CRX: variants seen among roughly 807,000 people sequenced by gnomAD.
The protein encoded by CRX is cone-rod homeobox, also known as cone-rod homeobox protein.
Under a neutral mutation model 13.1 loss-of-function variants are expected in CRX, and 5 were observed. That is an observed-to-expected ratio of 0.38 (90% CI 0.20 to 0.80). CRX has a LOEUF of 0.80. Among genes scored for constraint, CRX ranks in the 30% least tolerant of loss-of-function variants. CRX has a pLI of 0.43. For synonymous variants in CRX, 179 were observed against 171.1 expected, an observed-to-expected ratio of 1.05 and a Z score of -0.36; for missense variants, 351 against 391.8, an observed-to-expected ratio of 0.90 and a Z score of 0.88.
chr19:47,827,384 T>A (rs544972324), intron 1 of CRX, among the ~76,000 whole-genome samples: 6 of 151,516 alleles, frequency 4.0e-5, no homozygotes, highest in Admixed American at 1.3e-4. Context: ...CCTCCAAGCC[T>A]TTGCACCTGC....
chr19:47,839,877 G>T lies in CRX; in HGVS notation c.810G>T (p.Lys270Asn). The change falls in exon 4 of 4, where the codon AAG becomes AAT. Residue 270 changes from lysine to asparagine, a missense_variant. Coordinates refer to ENST00000221996, the MANE Select transcript of CRX (RefSeq NM_000554.6). This position sits in a 1 kb window ranked among gnomAD's most constrained non-coding sequence, Gnocchi z 4.6. ...GCCCCGTGGATAGCTTGGAATTCAAGGACCCCACGGGCACCTGGAAATTCA... is the reference window on the plus strand; with the variant it reads ...GCCCCGTGGATAGCTTGGAATTCAATGACCCCACGGGCACCTGGAAATTCA... ...AYSPVDSLEF[K>N]DPTGTWKFTY... is the part of the protein sequence containing the mutation. 6.2e-7 allele frequency: 1 copy of T among 1,614,100 alleles called. No individual in the cohort carries two copies. The highest frequency in any genetic ancestry group is 8.5e-7 in the Non-Finnish European group (1 of 1,180,024).
In CRX at chr19:47,836,518, A is replaced by G. The variant is rs971473592; in HGVS notation, c.252+124A>G. On this transcript the variant is annotated intron_variant, in intron 3 of 3. Coordinates refer to ENST00000221996, the MANE Select transcript of CRX (RefSeq NM_000554.6). ...TGACAGCCAAAGTTATAAAGGGGAC[A>G]ATAATCCCTCTCCCCACCATCCCAC... The G allele has an allele frequency of 2.3e-6, 3 of 1,282,768 alleles. No homozygotes were observed. The African/African-American group carries it at 4.4e-5, about 19-fold the overall frequency. The allele number at this position is 1,282,768 out of a possible 1,614,324, so 79.5% of individuals were successfully genotyped here. A position where few individuals can be genotyped will look rare whatever the true frequency, so the allele number is the denominator to read the frequency against.
rs1156465404 is a variant in CRX at position 47,827,836 on chromosome 19, TAAAAAAAAAAAAAA to T, written c.-36+5848_-36+5861del. Among the ~76,000 whole-genome samples the T allele has an allele frequency of 4.6e-4, 19 of 41,758 alleles. 1 individual carries two copies. In the East Asian group the frequency reaches 4.6e-3, roughly 10 times the overall value. 27.4% of individuals were successfully genotyped at this position (41,758 alleles called of 152,430 possible). On this transcript the variant is annotated intron_variant, in intron 1 of 3. Coordinates refer to ENST00000221996, the MANE Select transcript of CRX (RefSeq NM_000554.6). ...CTGCTCCTGGCCATGGCATCTTTAT[TAAAAAAAAAAAAAA>T]AAAAAAAAAAAAAAAAAAAAAGGCA...
chr19:47,826,119 CT>C (rs1967972648), intron 1 of CRX, among the ~76,000 whole-genome samples: 2 of 152,158 alleles, frequency 1.3e-5, no homozygotes, highest in South Asian at 4.1e-4. Context: ...CTTGTCTCCA[CT>C]CTCTGGAGGT....
rs370973957 is a variant in CRX, at chr19:47,836,320, A to G, written c.178A>G (p.Lys60Glu). The part of the protein sequence containing the change: ...QLEELEALFA[K>E]TQYPDVYARE... ...GGAGGAGCTGGAGGCACTGTTTGCCAAGACCCAGTACCCAGACGTCTATGC... is the reference window on the plus strand; with the variant it reads ...GGAGGAGCTGGAGGCACTGTTTGCCGAGACCCAGTACCCAGACGTCTATGC... Residue 60 changes from lysine to glutamate, a missense_variant, in exon 3 of 4, where the codon AAG becomes GAG. By Grantham distance (56) the Lys-to-Glu change is moderately conservative. This residue lies in a region of CRX where 95 missense variants were observed against 106.7 expected (regional missense o/e 0.89). Transcript: ENST00000221996. 1.2e-6 allele frequency: 2 copies of G among 1,614,058 alleles called. No homozygotes were observed. The highest frequency in any genetic ancestry group is 2.7e-5 in the African/African-American group (2 of 74,938).
intron 1 of CRX, among the ~76,000 whole-genome samples, chr19:47,822,679 C>T (rs560588715): frequency 3.3e-5 from 5 of 152,250 alleles, no homozygotes; most frequent in Admixed American, 3.3e-4. Context: ...GGCCTCAATG[C>T]ACCCAGAGGC....
chr19:47,832,501 C>CT (rs202141154), intron 1 of CRX, among the ~76,000 whole-genome samples: 4,765 of 151,120 alleles, frequency 0.032, 213 homozygotes, highest in African/African-American at 0.1. Flanking sequence ...CTTTTCTTTT[C>CT]TTTTTTTTGA....
intron 2 of CRX, among the ~76,000 whole-genome samples, chr19:47,834,974 T>G (rs1452970543): frequency 6.6e-6 from 1 of 150,880 alleles, no homozygotes; most frequent in Non-Finnish European, 1.5e-5. Flanking sequence ...CCATTGTGCC[T>G]AGGCCCGGGG....
intron 1 of CRX, among the ~76,000 whole-genome samples, chr19:47,830,228 G>A (rs1968026861): frequency 6.6e-6 from 1 of 151,938 alleles, no homozygotes; most frequent in Non-Finnish European, 1.5e-5. Context: ...AAGATCACTT[G>A]AGCCCAGGAG....
At chr19:47,838,210 C>T (rs1968142936) in intron 3 of CRX, among the ~76,000 whole-genome samples, 1 of 147,842 alleles carries the variant, frequency 6.8e-6, no homozygotes, top group Non-Finnish European at 1.5e-5. Context: ...TAAATGTATG[C>T]ATGATGCATG....
At position 47,834,614 on chromosome 19, in the gene CRX, C is replaced by T. The variant is rs76850528; in HGVS notation, c.100+71C>T. The T allele has an allele frequency of 3.8e-6, 5 of 1,299,702 alleles. No homozygotes were observed. In the Admixed American group the frequency reaches 5.6e-5, roughly 15 times the overall value. 80.5% of individuals were successfully genotyped at this position (1,299,702 alleles called of 1,614,324 possible). A position where few individuals can be genotyped will look rare whatever the true frequency, so the allele number is the denominator to read the frequency against. On this transcript the variant is annotated intron_variant, in intron 2 of 3. Transcript: ENST00000221996. ...TTGGAGGACCTCTGGGGTCCCTTTG[C>T]CCCCAGGAAGAAGGCAATCACAGGG...
chr19:47,822,317 C>A (rs1967922182), intron 1 of CRX, among the ~76,000 whole-genome samples: 1 of 152,126 alleles, frequency 6.6e-6, no homozygotes, highest in Non-Finnish European at 1.5e-5. Flanking sequence ...GGGTTGGGGG[C>A]TTCTCACCGT....
At chr19:47,834,976 G>A (rs1968098165) in intron 2 of CRX, among the ~76,000 whole-genome samples, 1 of 151,290 alleles carries the variant, frequency 6.6e-6, no homozygotes, top group Non-Finnish European at 1.5e-5. Context: ...ATTGTGCCTA[G>A]GCCCGGGGGG....
At chr19:47,838,936 T>C (rs1034051375) in intron 3 of CRX, among the ~76,000 whole-genome samples, 3 of 151,992 alleles carry the variant, frequency 2.0e-5, no homozygotes, top group African/African-American at 7.3e-5. Context: ...TGTATATATG[T>C]ATAACTGTAC....
At chr19:47,824,400 C>G (rs529705506) in intron 1 of CRX, among the ~76,000 whole-genome samples, 2 of 152,056 alleles carry the variant, frequency 1.3e-5, no homozygotes, top group East Asian at 3.9e-4. Context: ...CTGGCTCTGC[C>G]GCTGACGTGC....
intron 1 of CRX, among the ~76,000 whole-genome samples, chr19:47,823,351 C>T (rs960627761): frequency 6.6e-6 from 1 of 152,160 alleles, no homozygotes; most frequent in Non-Finnish European, 1.5e-5. Context: ...GCTGTGATTG[C>T]CACAGAGTGA....
At chr19:47,834,978 C>T (rs1968098227) in intron 2 of CRX, among the ~76,000 whole-genome samples, 2 of 150,428 alleles carry the variant, frequency 1.3e-5, no homozygotes, top group African/African-American at 4.9e-5. Context: ...TGTGCCTAGG[C>T]CCGGGGGGCA....
Position 47,839,451 on chromosome 19 carries a change from C to A in CRX, c.384C>A (p.Ser128=), listed in dbSNP as rs778579625. ...AGGCGGGCACGTCCCCAAGACCCTC[C>A]ACAGATGTGTGTCCAGACCCTCTGG... The part of the protein sequence containing the change: ...KRKAGTSPRP[S]TDVCPDPLGI... Residue 128 remains serine (S), a synonymous_variant, in exon 4 of 4, where the codon TCC becomes TCA. Coordinates refer to ENST00000221996, the MANE Select transcript of CRX (RefSeq NM_000554.6). This position sits in a 1 kb window ranked among gnomAD's most constrained non-coding sequence, Gnocchi z 4.6. 1 of 1,614,032 alleles carries A rather than the reference C, an allele frequency of 6.2e-7. No homozygotes were observed.
chr19:47,834,306 C>T (rs1484048899), intron 1 of CRX, 103 bp from the exon 2 acceptor site: 1 of 735,862 alleles, frequency 1.4e-6, no homozygotes, highest in African/African-American at 1.7e-5. Flanking sequence ...GCCAAGGTCA[C>T]ATACCTAAGA....
Sources: gnomAD v4.1 joint callset for allele counts (sites outside exome capture counted in the v4.1 genomes callset) on GRCh38, gnomAD v4.1.1 for gene constraint, gnomAD v4.1.1 regional missense constraint, Gnocchi (gnomAD v3.1) non-coding constraint, MANE v1.5 for transcripts, NCBI Gene and HGNC (gene_info 2026-07-23, HGNC 2026-07-21) for gene names.